Variants in ABTB2 observed in about 807,000 individuals in gnomAD.
ABTB2 encodes the protein ankyrin repeat and BTB/POZ domain-containing protein 2.
Under a neutral mutation model 104.1 loss-of-function variants are expected in ABTB2, and 56 were observed. The ratio of observed to expected loss-of-function variants is 0.54; its 90% CI spans 0.43 to 0.67. The LOEUF (loss-of-function observed/expected upper bound fraction) is 0.67, where lower values mean the gene tolerates loss of function less well. ABTB2 is among the 30% of genes least tolerant of loss of function. The pLI is 0.00. For missense variants in ABTB2, 1,279 were observed against 1,407.7 expected (o/e 0.91, Z 1.46); for synonymous variants, 606 against 608.2 (o/e 1.00, Z 0.05).
At chr11:34,341,977 C>T (rs1480626091) in intron 1 of ABTB2, among the ~76,000 whole-genome samples, 3 of 152,174 alleles carry the variant, frequency 2.0e-5, no homozygotes, top group Non-Finnish European at 4.4e-5. Flanking sequence ...GCCACATTTT[C>T]TGGTGACAAA....
intron 3 of ABTB2, among the ~76,000 whole-genome samples, chr11:34,176,380 C>T (rs1325888828): frequency 6.6e-6 from 1 of 151,936 alleles, no homozygotes; most frequent in Non-Finnish European, 1.5e-5. Context: ...ATGTTGTCTT[C>T]CTAACCAGAC....
intron 5 of ABTB2, 104 bp downstream of exon 5, chr11:34,170,802 G>A: frequency 2.8e-6 from 4 of 1,429,070 alleles, no homozygotes; most frequent in Middle Eastern, 2.2e-4. Context: ...GAAGTACAGA[G>A]CTGAGCAAAT....
rs377515937 is a variant in ABTB2, at chr11:34,154,679, C to G, written c.2766+22G>C. The G allele has an allele frequency of 1.2e-6, 2 of 1,613,480 alleles. No individual in the cohort carries two copies. The highest frequency in any genetic ancestry group is 2.7e-5 in the African/African-American group (2 of 74,928). On this transcript the variant is annotated intron_variant, in intron 15 of 16. Transcript: ENST00000435224. The surrounding 1 kb of genome is among the most constrained non-coding windows in gnomAD (Gnocchi z 4.9). ...CGCTGGGCACCCTAGCCCAGGCCCC[C>G]TCCCCCTCTCCCGAGTCTCACCTCC...
intron 5 of ABTB2, 57 bp downstream of exon 5, chr11:34,170,849 C>G: frequency 6.3e-7 from 1 of 1,580,322 alleles, no homozygotes; most frequent in South Asian, 1.2e-5. Context: ...ATGCTGGGAG[C>G]TGAGAATTCC....
At chr11:34,333,484 G>A (rs757282113) in intron 1 of ABTB2, among the ~76,000 whole-genome samples, 10 of 152,198 alleles carry the variant, frequency 6.6e-5, no homozygotes, top group African/African-American at 1.2e-4. Flanking sequence ...GGCTGGGTAT[G>A]GTGGCTCAAG....
chr11:34,329,373 C>T (rs879432210), intron 1 of ABTB2, among the ~76,000 whole-genome samples: 13 of 152,202 alleles, frequency 8.5e-5, no homozygotes, highest in Non-Finnish European at 1.8e-4. Context: ...CCACTTCCCA[C>T]TCCACCCCCC....
In ABTB2 at chr11:34,164,429, G is replaced by A. The variant is rs888822392; in HGVS notation, c.1988+257C>T. On this transcript the variant is annotated intron_variant, in intron 9 of 16. Transcript: ENST00000435224. ...GCAGAGTGGCATCTCACTGGGAAAT[G>A]GGACGGTCTGCCCTGGGCGTCGGGA... Among the ~76,000 whole-genome samples, 13 of 152,210 alleles carry A rather than the reference G, an allele frequency of 8.5e-5. 1 individual carries two copies. Among genetic ancestry groups the A allele is most frequent in the Non-Finnish European group, 1.9e-4 (13 of 68,034 alleles).
intron 1 of ABTB2, among the ~76,000 whole-genome samples, chr11:34,337,821 G>T (rs757509345): frequency 2.0e-5 from 3 of 152,090 alleles, no homozygotes; most frequent in Non-Finnish European, 4.4e-5. Flanking sequence ...AAAATTAAAC[G>T]AGATAGCATC....
chr11:34,328,881 A>T (rs1186054287), intron 1 of ABTB2, among the ~76,000 whole-genome samples: 1 of 152,246 alleles, frequency 6.6e-6, no homozygotes, highest in Non-Finnish European at 1.5e-5. Flanking sequence ...GCTGATTAAA[A>T]GCAAAAATCT....
chr11:34,316,385 T>C lies in ABTB2; in HGVS notation c.883+40316A>G, dbSNP rs375531894. 2.3e-3 allele frequency among the ~76,000 whole-genome samples: 349 copies of C among 152,350 alleles called. 1 individual carries two copies. Among genetic ancestry groups the C allele is most frequent in the African/African-American group, 8.0e-3 (332 of 41,578 alleles). On this transcript the variant is annotated intron_variant, in intron 1 of 16. Transcript: ENST00000435224. ...TAGGTTAGCACTCGCCTTTCAGCAA[T>C]GATTTCATTTTAAACTCAACTTCAG...
chr11:34,187,908 A>G (rs943930764), intron 3 of ABTB2, among the ~76,000 whole-genome samples: 1 of 152,132 alleles, frequency 6.6e-6, no homozygotes, highest in Non-Finnish European at 1.5e-5. Flanking sequence ...AGAAGATATG[A>G]TTTTTGCTGT....
intron 1 of ABTB2, chr11:34,335,531 T>C (rs1855183792): frequency 8.4e-7 from 1 of 1,197,580 alleles, no homozygotes; most frequent in South Asian, 1.3e-5. Flanking sequence ...CAAAATCTTT[T>C]CGCCACAATT....
intron 10 of ABTB2, among the ~76,000 whole-genome samples, chr11:34,161,686 G>T (rs892854050): frequency 2.6e-5 from 4 of 152,202 alleles, no homozygotes; most frequent in Admixed American, 1.3e-4. Flanking sequence ...GCATGTGTCA[G>T]TGGGGCTGTA....
chr11:34,227,286 G>GAA, intron 1 of ABTB2, among the ~76,000 whole-genome samples: 1 of 125,230 alleles, frequency 8.0e-6, no homozygotes, highest in East Asian at 2.4e-4. Flanking sequence ...AAAAAAAAAA[G>GAA]AAAAAAAAAA....
chr11:34,316,049 A>T (rs1387656441), intron 1 of ABTB2, among the ~76,000 whole-genome samples: 1 of 152,218 alleles, frequency 6.6e-6, no homozygotes, highest in Admixed American at 6.5e-5. Flanking sequence ...ACTTGACAAG[A>T]ACTAACTTTG....
At chr11:34,233,497 T>TA (rs1200758261) in intron 1 of ABTB2, among the ~76,000 whole-genome samples, 3 of 151,788 alleles carry the variant, frequency 2.0e-5, no homozygotes, top group Non-Finnish European at 4.4e-5. Context: ...ACCACAGGGG[T>TA]ACACCACCAC....
intron 1 of ABTB2, among the ~76,000 whole-genome samples, chr11:34,217,986 G>A (rs1427926434): frequency 6.6e-6 from 1 of 152,212 alleles, no homozygotes; most frequent in Non-Finnish European, 1.5e-5. Context: ...TAAGAGGTGT[G>A]CAGTGGTATG....
intron 1 of ABTB2, among the ~76,000 whole-genome samples, chr11:34,314,145 G>T (rs1854894608): frequency 6.6e-6 from 1 of 152,198 alleles, no homozygotes. Context: ...CCATGCAGGT[G>T]GCTTTAATTC....
intron 9 of ABTB2, among the ~76,000 whole-genome samples, chr11:34,164,330 C>T (rs1852766158): frequency 6.6e-6 from 1 of 152,034 alleles, no homozygotes; most frequent in Non-Finnish European, 1.5e-5. Context: ...TTTGGACGTC[C>T]AAGGCCACTT....
Sources: gnomAD v4.1 joint callset for allele counts (sites outside exome capture counted in the v4.1 genomes callset) on GRCh38, gnomAD v4.1.1 for gene constraint, Gnocchi (gnomAD v3.1) non-coding constraint, MANE v1.5 for transcripts, NCBI Gene and HGNC (gene_info 2026-07-23, HGNC 2026-07-21) for gene names.